The following EVC2 variants were observed in gnomAD, a reference collection of about 807,000 sequenced individuals.
EVC2 encodes the protein EvC ciliary complex subunit 2.
A neutral mutation model predicts 149.3 loss-of-function variants in EVC2; 148 were observed. That is an observed-to-expected ratio of 0.99 (90% CI 0.87 to 1.14). The LOEUF (loss-of-function observed/expected upper bound fraction) is 1.14, where lower values mean the gene tolerates loss of function less well. Ranked by LOEUF, EVC2 falls within the 50% of genes most tolerant of loss-of-function variation. The pLI is 0.00. For missense variants in EVC2, 1,854 were observed against 1,627.3 expected, an observed-to-expected ratio of 1.14 and a Z score of -2.40; for synonymous variants, 776 against 649.9, an observed-to-expected ratio of 1.19 and a Z score of -2.95.
chr4:5,628,622 C>A lies in EVC2; in HGVS notation c.1823G>T (p.Arg608Leu), dbSNP rs145693546. The change falls in exon 12 of 22, where the codon CGT (arginine) becomes CTT (leucine). Residue 608 changes from arginine to leucine, a missense_variant. Physicochemically the swap from Arg to Leu is moderately radical, Grantham distance 102 (BLOSUM62 -2). Transcript: ENST00000344408. ...AGCGGTGCTCAGAAGGCCCTGCACA[C>A]GGGTCTCTGATGACTGGAGGTTCTG... The part of the protein sequence containing the change: ...LVQNLQSSET[R>L]VQGLLSTAAA... The A allele has an allele frequency of 6.2e-7, 1 of 1,613,974 alleles. No individual in the cohort carries two copies. The highest frequency in any genetic ancestry group is 1.1e-5 in the South Asian group (1 of 91,076).
intron 7 of EVC2, among the ~76,000 whole-genome samples, chr4:5,667,798 C>T (rs536369366): frequency 6.6e-6 from 1 of 152,346 alleles, no homozygotes; most frequent in African/African-American, 2.4e-5. Context: ...ATCACATAGG[C>T]ACCCTGTGCC....
At chr4:5,535,433 C>T in the EVC2 span, among the ~76,000 whole-genome samples, 7 of 152,140 alleles carry the variant, frequency 4.6e-5, no homozygotes, top group East Asian at 1.9e-4. The surrounding 1 kb of genome is among the most constrained non-coding windows in gnomAD (Gnocchi z 4.7). Context: ...AAGTGAGTTA[C>T]AGGCTTCTGC....
chr4:5,663,232 C>T lies in EVC2; in HGVS notation c.1020G>A (p.Glu340=), dbSNP rs768551481. 4 of 1,614,140 alleles carry T rather than the reference C, an allele frequency of 2.5e-6. No homozygotes were observed. In the South Asian group the frequency reaches 4.4e-5, roughly 18 times the overall value. ...MLTRHRVWQY[E]SKLEPLPFTS... ...TGAACGGCAAGGGTTCCAGCTTGCTCTCATACTGCCAAACCTTCAGGAGAA... is the reference window on the plus strand; with the variant it reads ...TGAACGGCAAGGGTTCCAGCTTGCTTTCATACTGCCAAACCTTCAGGAGAA... The change falls in exon 9 of 22, where the codon GAG becomes GAA. Residue 340 remains glutamate, a synonymous_variant. Coordinates refer to ENST00000344408, the MANE Select transcript of EVC2 (RefSeq NM_147127.5).
chr4:5,580,957 A>C (rs1711714051), intron 17 of EVC2, among the ~76,000 whole-genome samples: 1 of 152,034 alleles, frequency 6.6e-6, no homozygotes, highest in Non-Finnish European at 1.5e-5. Flanking sequence ...GTTGTTTAAA[A>C]CTGTGTAGCA....
chr4:5,556,011 C>G (rs1359200233), intron 21 of EVC2, among the ~76,000 whole-genome samples: 1 of 151,768 alleles, frequency 6.6e-6, no homozygotes, highest in Non-Finnish European at 1.5e-5. Flanking sequence ...AATCCCATCT[C>G]TACTAAAAAT....
intron 17 of EVC2, among the ~76,000 whole-genome samples, chr4:5,581,766 CA>C (rs920076293): frequency 2.0e-5 from 3 of 152,208 alleles, no homozygotes; most frequent in Non-Finnish European, 4.4e-5. Context: ...GCCCTTTAAT[CA>C]CAGTCCCAGA....
intron 6 of EVC2, among the ~76,000 whole-genome samples, chr4:5,685,006 C>G (rs1720596418): frequency 6.6e-6 from 1 of 152,196 alleles, no homozygotes; most frequent in East Asian, 1.9e-4. Context: ...GTTTTTAAGT[C>G]TAGTCTGTGG....
downstream of EVC2, among the ~76,000 whole-genome samples, chr4:5,558,336 A>G (rs1201151088): frequency 6.6e-6 from 1 of 152,210 alleles, no homozygotes; most frequent in African/African-American, 2.4e-5. Flanking sequence ...AGATAGTAAA[A>G]TGATCAGTGA....
At chr4:5,566,454 G>C (rs1000863594) in intron 20 of EVC2, among the ~76,000 whole-genome samples, 2 of 152,176 alleles carry the variant, frequency 1.3e-5, no homozygotes, top group Non-Finnish European at 2.9e-5. Context: ...CCTGAGGCCT[G>C]AACACTGGCT....
chr4:5,661,583 A>C (rs1237857430), intron 9 of EVC2, among the ~76,000 whole-genome samples: 7 of 152,276 alleles, frequency 4.6e-5, no homozygotes, highest in Admixed American at 4.6e-4. Flanking sequence ...AAATAAAAAA[A>C]TAAGATTGAG....
intron 1 of EVC2, among the ~76,000 whole-genome samples, chr4:5,702,463 G>A (rs1032269360): frequency 9.2e-5 from 14 of 152,306 alleles, no homozygotes; most frequent in Admixed American, 2.0e-4. Context: ...CGAAAGAATG[G>A]CCCAGAGGCC....
downstream of EVC2, among the ~76,000 whole-genome samples, chr4:5,540,222 C>T (rs1577084856): frequency 1.3e-5 from 2 of 152,198 alleles, no homozygotes; most frequent in East Asian, 3.9e-4. Context: ...GAACTCCCCT[C>T]CATGGCTAGT....
At chr4:5,604,018 A>C (rs2108813982) in intron 16 of EVC2, among the ~76,000 whole-genome samples, 1 of 152,292 alleles carries the variant, frequency 6.6e-6, no homozygotes, top group Admixed American at 6.5e-5. Context: ...TCTACCATGT[A>C]CCAGCTTTGT....
intron 5 of EVC2, among the ~76,000 whole-genome samples, chr4:5,685,847 G>A (rs1176050025): frequency 6.6e-6 from 1 of 152,142 alleles, no homozygotes; most frequent in African/African-American, 2.4e-5. Flanking sequence ...CATCCTGCTC[G>A]GGAGAGGCTG....
chr4:5,612,591 T>C (rs754807116), intron 16 of EVC2, among the ~76,000 whole-genome samples: 6 of 151,982 alleles, frequency 3.9e-5, no homozygotes, highest in Non-Finnish European at 7.4e-5. Context: ...GCAAAAATGG[T>C]GCTAGGCAAG....
intron 7 of EVC2, among the ~76,000 whole-genome samples, chr4:5,676,191 A>G (rs1577238997): frequency 1.3e-5 from 2 of 152,296 alleles, no homozygotes; most frequent in Admixed American, 1.3e-4. Flanking sequence ...TCTCTCAAAA[A>G]GACAGTACTC....
chr4:5,669,183 G>A (rs1378711650), intron 7 of EVC2, among the ~76,000 whole-genome samples: 3 of 152,186 alleles, frequency 2.0e-5, no homozygotes, highest in Non-Finnish European at 2.9e-5. Context: ...CTTAATTTCA[G>A]ACTTCCAGCC....
At chr4:5,568,667 G>C (rs776506736) in intron 19 of EVC2, 27 bp from the exon 20 acceptor site, 7 of 1,595,432 alleles carry the variant, frequency 4.4e-6, no homozygotes, top group Non-Finnish European at 6.0e-6. Flanking sequence ...AGGGAGTTCA[G>C]ACCCTCGCCG....
At chr4:5,692,029 C>A (rs1320189655) in intron 3 of EVC2, among the ~76,000 whole-genome samples, 2 of 152,198 alleles carry the variant, frequency 1.3e-5, no homozygotes, top group East Asian at 3.9e-4. Flanking sequence ...ACCCTTACTG[C>A]ATCAAGGAAG....
Sources: gnomAD v4.1 joint callset for allele counts (sites outside exome capture counted in the v4.1 genomes callset) on GRCh38, gnomAD v4.1.1 for gene constraint, Gnocchi (gnomAD v3.1) non-coding constraint, MANE v1.5 for transcripts, NCBI Gene and HGNC (gene_info 2026-07-23, HGNC 2026-07-21) for gene names.